Variants in PLXDC2 observed in about 807,000 individuals in gnomAD.
The protein encoded by PLXDC2 is plexin domain-containing protein 2.
Under a neutral mutation model 68.9 loss-of-function variants are expected in PLXDC2, and 40 were observed. The ratio of observed to expected loss-of-function variants is 0.58; its 90% CI spans 0.45 to 0.76. PLXDC2 has a LOEUF of 0.76. Ranked by LOEUF, PLXDC2 falls within the 30% of genes least tolerant of loss-of-function variation. The pLI is 0.00. For synonymous variants in PLXDC2, 243 were observed against 234.2 expected (o/e 1.04, Z -0.34); for missense variants, 644 against 661.9 (o/e 0.97, Z 0.30).
chr10:20,035,814 A>G (rs1025993280), intron 2 of PLXDC2, among the ~76,000 whole-genome samples: 3 of 152,366 alleles, frequency 2.0e-5, no homozygotes, highest in African/African-American at 7.2e-5. Flanking sequence ...ACAAGCTGGT[A>G]GAAAGAAACC....
At chr10:20,175,137 G>C (rs1468219272) in intron 7 of PLXDC2, among the ~76,000 whole-genome samples, 1 of 152,128 alleles carries the variant, frequency 6.6e-6, no homozygotes, top group Non-Finnish European at 1.5e-5. Context: ...ATCTAAGGTT[G>C]TCATATTAAA....
At chr10:20,237,986 A>G (rs1835456696) in intron 12 of PLXDC2, among the ~76,000 whole-genome samples, 1 of 152,136 alleles carries the variant, frequency 6.6e-6, no homozygotes, top group African/African-American at 2.4e-5. Flanking sequence ...GCTACAGATC[A>G]TTTTGGCAAT....
intron 4 of PLXDC2, among the ~76,000 whole-genome samples, chr10:20,078,758 T>C (rs1283133980): frequency 6.6e-6 from 1 of 152,204 alleles, no homozygotes; most frequent in African/African-American, 2.4e-5. Flanking sequence ...ATCTGGTTTC[T>C]ACCCATTTAT....
intron 1 of PLXDC2, among the ~76,000 whole-genome samples, chr10:19,924,688 G>A (rs1018934257): frequency 6.6e-6 from 1 of 152,158 alleles, no homozygotes; most frequent in Admixed American, 6.5e-5. Context: ...TCATTTGGAG[G>A]AGATCTGAAA....
intron 4 of PLXDC2, among the ~76,000 whole-genome samples, chr10:20,130,202 G>C (rs935447690): frequency 1.3e-4 from 19 of 151,826 alleles, no homozygotes; most frequent in Non-Finnish European, 7.4e-5. Flanking sequence ...TTTCACCAAT[G>C]CTTCAGTTTA....
At chr10:19,855,964 A>C (rs940247669) in intron 1 of PLXDC2, among the ~76,000 whole-genome samples, 5 of 152,102 alleles carry the variant, frequency 3.3e-5, no homozygotes, top group Admixed American at 6.6e-5. Context: ...GCCTGGTGGC[A>C]GGTGCCTGTA....
chr10:19,947,542 T>A (rs1481072636), intron 1 of PLXDC2, among the ~76,000 whole-genome samples: 1 of 152,226 alleles, frequency 6.6e-6, no homozygotes, highest in African/African-American at 2.4e-5. Context: ...ACTGCTCCCA[T>A]GTTTGCTAAT....
intron 6 of PLXDC2, among the ~76,000 whole-genome samples, chr10:20,151,863 T>C (rs1011025056): frequency 3.9e-5 from 6 of 152,230 alleles, no homozygotes; most frequent in Admixed American, 3.9e-4. Context: ...TCTAATAGGC[T>C]AACACCAGCT....
Position 20,245,327 on chromosome 10 carries a change from G to T in PLXDC2, c.1313-18G>T. ...GGGTAAACTCATGAAGGTCCTGACA[G>T]CTGGGATGTTCTTTCAGCTTCTACA... is the stretch of plus-strand genomic sequence containing the variant. On this transcript the variant is annotated intron_variant, in intron 12 of 13. Coordinates refer to ENST00000377252, the MANE Select transcript of PLXDC2 (RefSeq NM_032812.9). 6.2e-7 allele frequency: 1 copy of T among 1,602,334 alleles called. No homozygotes were observed. The highest frequency in any genetic ancestry group is 8.5e-7 in the Non-Finnish European group (1 of 1,175,116).
At chr10:19,925,951 C>T (rs1205174594) in intron 1 of PLXDC2, among the ~76,000 whole-genome samples, 3 of 152,202 alleles carry the variant, frequency 2.0e-5, no homozygotes, top group Non-Finnish European at 4.4e-5. Flanking sequence ...TATTGATCCG[C>T]TGGCATTAGA....
chr10:19,883,884 C>CTTTTTTTTTTT (rs397846779), intron 1 of PLXDC2, among the ~76,000 whole-genome samples: 1,059 of 55,070 alleles, frequency 0.019, 354 homozygotes, highest in African/African-American at 0.093. Context: ...TCCCTTTAAA[C>CTTTTTTTTTTT]TTTTTTTTTT....
At chr10:19,944,094 T>G (rs2131400380) in intron 1 of PLXDC2, among the ~76,000 whole-genome samples, 1 of 152,358 alleles carries the variant, frequency 6.6e-6, no homozygotes, top group Middle Eastern at 3.4e-3. Flanking sequence ...ACTGCAATGT[T>G]CTCATGAACC....
chr10:19,942,680 C>G (rs114876699), intron 1 of PLXDC2, among the ~76,000 whole-genome samples: 162 of 152,292 alleles, frequency 1.1e-3, no homozygotes, highest in African/African-American at 3.7e-3. Flanking sequence ...AGGAGAATCC[C>G]TTGAACCTGG....
chr10:19,968,383 G>GC (rs1834299425), intron 1 of PLXDC2, among the ~76,000 whole-genome samples: 1 of 152,082 alleles, frequency 6.6e-6, no homozygotes, highest in African/African-American at 2.4e-5. Flanking sequence ...CACGATCTCC[G>GC]CTCCCTGCAA....
At chr10:20,001,052 G>A (rs1462882611) in intron 1 of PLXDC2, among the ~76,000 whole-genome samples, 4 of 152,196 alleles carry the variant, frequency 2.6e-5, no homozygotes, top group Admixed American at 6.5e-5. Context: ...ACTTTAAAAT[G>A]CCTTTGTGAT....
At chr10:19,973,296 G>GTGTA (rs1554849833) in intron 1 of PLXDC2, among the ~76,000 whole-genome samples, 10 of 76,768 alleles carry the variant, frequency 1.3e-4, no homozygotes, top group African/African-American at 5.0e-4. Context: ...ACATATATAT[G>GTGTA]TATATATATA....
At chr10:19,908,510 T>C (rs956416849) in intron 1 of PLXDC2, among the ~76,000 whole-genome samples, 2 of 152,182 alleles carry the variant, frequency 1.3e-5, no homozygotes, top group Non-Finnish European at 2.9e-5. Context: ...ATTAAGAACA[T>C]TCTTCTAACA....
intron 7 of PLXDC2, among the ~76,000 whole-genome samples, chr10:20,170,589 C>A (rs979965881): frequency 2.6e-5 from 4 of 151,996 alleles, no homozygotes; most frequent in African/African-American, 9.7e-5. Flanking sequence ...CTATCTTAAG[C>A]TTAAATTTAA....
chr10:20,068,053 T>G, intron 3 of PLXDC2, 117 bp from the exon 4 acceptor site: 1 of 822,360 alleles, frequency 1.2e-6, no homozygotes, highest in South Asian at 1.9e-5. Context: ...AAAAGAGAAC[T>G]ACAATAATTA....
Sources: allele counts gnomAD v4.1 joint callset (sites outside exome capture counted in the v4.1 genomes callset), GRCh38; gene constraint gnomAD v4.1.1; transcripts MANE v1.5; gene names NCBI Gene and HGNC (gene_info 2026-07-23, HGNC 2026-07-21).